ITK: variants seen among roughly 807,000 people sequenced by gnomAD.
ITK encodes IL2 inducible T cell kinase.
A neutral mutation model predicts 87.6 loss-of-function variants in ITK; 45 were observed. That is an observed-to-expected ratio of 0.51 (90% CI 0.40 to 0.66). The LOEUF (loss-of-function observed/expected upper bound fraction) is 0.66. Among genes scored for constraint, ITK ranks in the 30% least tolerant of loss-of-function variants. ITK has a pLI of 0.00. For missense variants in ITK, 605 were observed against 766.3 expected (o/e 0.79, Z 2.48); for synonymous variants, 303 against 273.6 (o/e 1.11, Z -1.06).
At position 157,241,725 on chromosome 5, in the gene ITK, G is replaced by A. The variant is rs772109795; in HGVS notation, c.1060+5G>A. 6.2e-7 allele frequency: 1 copy of A among 1,609,818 alleles called. No individual in the cohort carries two copies. The highest frequency in any genetic ancestry group is 8.5e-7 in the Non-Finnish European group (1 of 1,176,316). ...TTACAGCAGGGCTGAGATACGGTGA[G>A]CAGTACAATCAGGAATGTAAACTCA... On this transcript the variant is annotated splice_donor_5th_base_variant and intron_variant, in intron 11 of 16. Transcript: ENST00000422843.
intron 1 of ITK, among the ~76,000 whole-genome samples, chr5:157,197,472 A>C (rs1753875425): frequency 6.6e-6 from 1 of 152,208 alleles, no homozygotes; most frequent in South Asian, 2.1e-4. Flanking sequence ...CTCTGTAAAA[A>C]CTTCAAATAT....
At chr5:157,200,810 C>T (rs1423469818) in intron 1 of ITK, among the ~76,000 whole-genome samples, 1 of 152,184 alleles carries the variant, frequency 6.6e-6, no homozygotes, top group Non-Finnish European at 1.5e-5. Context: ...AGGAGAACTC[C>T]TCCTTGGAAA....
chr5:157,218,356 A>G (rs1259544992), intron 5 of ITK, among the ~76,000 whole-genome samples: 1 of 151,926 alleles, frequency 6.6e-6, no homozygotes. Flanking sequence ...AAATTTTTAA[A>G]AATTAGCTGG....
chr5:157,238,102 A>T lies in ITK; in HGVS notation c.769-7A>T. Reference sequence around the variant, plus strand: ...CACTAACTTTCCATTCTTTCTAACCATTCCAGGGCAAAGAAGGAGCCTTCA... The same window carrying T: ...CACTAACTTTCCATTCTTTCTAACCTTTCCAGGGCAAAGAAGGAGCCTTCA... On this transcript the variant is annotated splice_polypyrimidine_tract_variant and splice_region_variant and intron_variant, in intron 8 of 16. Coordinates refer to ENST00000422843, the MANE Select transcript of ITK (RefSeq NM_005546.4). 1.2e-6 allele frequency: 2 copies of T among 1,609,790 alleles called. No homozygotes were observed. Among genetic ancestry groups the T allele is most frequent in the Non-Finnish European group, 1.7e-6 (2 of 1,176,102 alleles).
chr5:157,246,204 G>A (rs1561665476), intron 15 of ITK, among the ~76,000 whole-genome samples: 1 of 152,216 alleles, frequency 6.6e-6, no homozygotes, highest in Non-Finnish European at 1.5e-5. Context: ...GGACATGGTG[G>A]TGGGAGTTAA....
chr5:157,216,470 T>C (rs914007993), intron 4 of ITK, among the ~76,000 whole-genome samples: 7 of 152,184 alleles, frequency 4.6e-5, no homozygotes, highest in African/African-American at 1.4e-4. Context: ...GTCTTCCTTA[T>C]TGGTGGATGA....
chr5:157,227,822 C>CTTTTTT (rs34428784), intron 6 of ITK, among the ~76,000 whole-genome samples: 4 of 84,834 alleles, frequency 4.7e-5, no homozygotes, highest in Non-Finnish European at 6.5e-5. Flanking sequence ...TTACCAATTC[C>CTTTTTT]TTTTTTTTTT....
chr5:157,225,769 A>G (rs1022236991), intron 6 of ITK, among the ~76,000 whole-genome samples: 2 of 152,208 alleles, frequency 1.3e-5, no homozygotes, highest in Non-Finnish European at 2.9e-5. Flanking sequence ...CATTATAGAC[A>G]GGCCCATATC....
At chr5:157,243,338 T>A (rs1754952099) in intron 11 of ITK, among the ~76,000 whole-genome samples, 1 of 152,210 alleles carries the variant, frequency 6.6e-6, no homozygotes, top group Admixed American at 6.5e-5. Context: ...CATAGAAAAA[T>A]GGGACATTGC....
intron 1 of ITK, among the ~76,000 whole-genome samples, chr5:157,191,798 G>C (rs180962423): frequency 2.0e-5 from 3 of 152,196 alleles, no homozygotes; most frequent in East Asian, 3.9e-4. Flanking sequence ...CAACATTCAG[G>C]TTGTTTCCAG....
At chr5:157,249,429 T>G (rs994358949) in intron 16 of ITK, among the ~76,000 whole-genome samples, 2 of 152,258 alleles carry the variant, frequency 1.3e-5, no homozygotes, top group African/African-American at 4.8e-5. Flanking sequence ...ATTTTATTCA[T>G]TCTGCATTTA....
At chr5:157,196,302 A>G (rs974475572) in intron 1 of ITK, among the ~76,000 whole-genome samples, 2 of 152,216 alleles carry the variant, frequency 1.3e-5, no homozygotes, top group Non-Finnish European at 2.9e-5. Flanking sequence ...ACATGTGAGA[A>G]GCATGTTTTC....
At chr5:157,197,361 C>T (rs921370677) in intron 1 of ITK, among the ~76,000 whole-genome samples, 1 of 152,168 alleles carries the variant, frequency 6.6e-6, no homozygotes, top group Non-Finnish European at 1.5e-5. Flanking sequence ...CCCCTTATTC[C>T]TCTCCCATAA....
intron 4 of ITK, among the ~76,000 whole-genome samples, chr5:157,217,531 GA>G (rs1754323247): frequency 6.6e-6 from 1 of 152,074 alleles, no homozygotes; most frequent in African/African-American, 2.4e-5. Context: ...GACATTCCCG[GA>G]AGTCTCTATG....
Position 157,255,132 on chromosome 5 carries a change from A to G in ITK, c.*2454A>G, listed in dbSNP as rs538014028. The stretch of plus-strand genomic sequence containing the variant: ...ATCCTTTGTAGAGCACACAGAGTTA[A>G]AAGTTGAATATAGCAATATTAAAGC... On this transcript the variant is annotated 3_prime_UTR_variant, in exon 17 of 17. Coordinates refer to ENST00000422843, the MANE Select transcript of ITK (RefSeq NM_005546.4). 2 of 187,274 alleles carry G rather than the reference A, an allele frequency of 1.1e-5. No individual in the cohort carries two copies. Among genetic ancestry groups the G allele is most frequent in the South Asian group, 3.9e-4 (2 of 5,108 alleles). The allele number at this position is 187,274 out of a possible 1,614,324, so 11.6% of individuals were successfully genotyped here.
chr5:157,228,915 G>A (rs71591325), intron 7 of ITK, among the ~76,000 whole-genome samples: 8 of 152,110 alleles, frequency 5.3e-5, no homozygotes, highest in South Asian at 2.1e-4. Flanking sequence ...GGTATGAACC[G>A]CTGTGCCCAG....
chr5:157,241,858 T>C (rs998950502), intron 11 of ITK, 138 bp downstream of exon 11: 1 of 683,996 alleles, frequency 1.5e-6, no homozygotes, highest in East Asian at 2.7e-5. Flanking sequence ...CTAGAGATGA[T>C]GGCACTAATG....
At chr5:157,200,257 G>A (rs1361523344) in intron 1 of ITK, among the ~76,000 whole-genome samples, 1 of 148,458 alleles carries the variant, frequency 6.7e-6, no homozygotes, top group Non-Finnish European at 1.5e-5. Flanking sequence ...ATCAGACTAT[G>A]AGGATGGCAT....
chr5:157,231,400 G>T (rs758525022), intron 7 of ITK, among the ~76,000 whole-genome samples: 1 of 152,182 alleles, frequency 6.6e-6, no homozygotes, highest in Non-Finnish European at 1.5e-5. Flanking sequence ...TGGCCTGTGT[G>T]TGAGATGAAG....
Sources: gnomAD v4.1 joint callset for allele counts (sites outside exome capture counted in the v4.1 genomes callset) on GRCh38, gnomAD v4.1.1 for gene constraint, MANE v1.5 for transcripts, NCBI Gene and HGNC (gene_info 2026-07-23, HGNC 2026-07-21) for gene names.